TTLL5: variants seen among roughly 807,000 people sequenced by gnomAD.
TTLL5 encodes the protein tubulin polyglutamylase TTLL5.
A neutral mutation model predicts 168.4 loss-of-function variants in TTLL5; 132 were observed. That is an observed-to-expected ratio of 0.78 (90% CI 0.68 to 0.91). TTLL5 has a LOEUF of 0.91. Ranked by LOEUF, TTLL5 falls within the 40% of genes least tolerant of loss-of-function variation. TTLL5 has a pLI of 0.00. For missense variants in TTLL5, 1,545 were observed against 1,581.5 expected (o/e 0.98, Z 0.39); for synonymous variants, 546 against 558.6 (o/e 0.98, Z 0.32).
intron 27 of TTLL5, among the ~76,000 whole-genome samples, chr14:75,807,028 A>G (rs1893696785): frequency 1.3e-5 from 2 of 152,174 alleles, no homozygotes; most frequent in Admixed American, 1.3e-4. Flanking sequence ...TTTGCACTAA[A>G]CTACATGATG....
At chr14:75,795,393 T>C (rs1242635393) in intron 27 of TTLL5, among the ~76,000 whole-genome samples, 1 of 152,214 alleles carries the variant, frequency 6.6e-6, no homozygotes, top group Non-Finnish European at 1.5e-5. Flanking sequence ...TTATTGTGGG[T>C]ACATAGGTGT....
At chr14:75,701,679 A>G (rs188951017) in intron 7 of TTLL5, among the ~76,000 whole-genome samples, 235 of 152,248 alleles carry the variant, frequency 1.5e-3, no homozygotes, top group African/African-American at 5.3e-3. Context: ...ACTCTTCTCT[A>G]TCAGATTTCT....
chr14:75,716,862 T>C (rs1887503106), intron 9 of TTLL5, among the ~76,000 whole-genome samples: 1 of 152,216 alleles, frequency 6.6e-6, no homozygotes, highest in Non-Finnish European at 1.5e-5. Context: ...ATCAAATTGC[T>C]ACCCTGTTTT....
chr14:75,803,858 A>G (rs1326965936), intron 27 of TTLL5, among the ~76,000 whole-genome samples: 2 of 152,216 alleles, frequency 1.3e-5, no homozygotes, highest in East Asian at 3.8e-4. Context: ...AATGTGGTGA[A>G]TTAGCCCAGC....
chr14:75,695,489 C>T (rs1486540569), intron 6 of TTLL5, among the ~76,000 whole-genome samples: 1 of 152,024 alleles, frequency 6.6e-6, no homozygotes, highest in Non-Finnish European at 1.5e-5. Context: ...TCTCTGTGAC[C>T]CACACCCTAT....
intron 18 of TTLL5, among the ~76,000 whole-genome samples, chr14:75,760,745 C>T (rs564590004): frequency 5.3e-5 from 8 of 151,992 alleles, no homozygotes; most frequent in South Asian, 2.1e-4. Context: ...GAACCCCAAC[C>T]GCTGTTTCCC....
intron 31 of TTLL5, 70 bp downstream of exon 31, chr14:75,902,294 C>T (rs2140089304): frequency 1.3e-6 from 2 of 1,488,886 alleles, no homozygotes; most frequent in African/African-American, 2.8e-5. Context: ...CACATTCTCT[C>T]TTCTGCCTCC....
intron 28 of TTLL5, among the ~76,000 whole-genome samples, chr14:75,823,492 A>G (rs1009484156): frequency 6.6e-6 from 1 of 152,182 alleles, no homozygotes; most frequent in African/African-American, 2.4e-5. Flanking sequence ...ACAGCTTGGC[A>G]GGAACCTGAG....
At chr14:75,705,259 T>C (rs1011777453) in intron 7 of TTLL5, among the ~76,000 whole-genome samples, 2 of 152,230 alleles carry the variant, frequency 1.3e-5, no homozygotes, top group African/African-American at 4.8e-5. Flanking sequence ...GTGTTCTGAC[T>C]TTGAGATAGC....
chr14:75,736,437 C>T (rs1461785018), intron 15 of TTLL5, among the ~76,000 whole-genome samples: 1 of 152,102 alleles, frequency 6.6e-6, no homozygotes, highest in Non-Finnish European at 1.5e-5. Flanking sequence ...GCTTAGAGGG[C>T]CTGCAGGCAG....
At chr14:75,815,220 A>C (rs1894322778) in intron 27 of TTLL5, among the ~76,000 whole-genome samples, 1 of 152,204 alleles carries the variant, frequency 6.6e-6, no homozygotes, top group South Asian at 2.1e-4. Context: ...TATTTAATCT[A>C]GAGGGGCAGG....
intron 18 of TTLL5, among the ~76,000 whole-genome samples, chr14:75,763,949 T>G (rs1299681077): frequency 6.6e-6 from 1 of 152,138 alleles, no homozygotes; most frequent in African/African-American, 2.4e-5. Flanking sequence ...CCCTGCCACC[T>G]TGCTCCACCT....
chr14:75,818,679 T>G (rs920105386), intron 27 of TTLL5: 2 of 199,200 alleles, frequency 1.0e-5, no homozygotes, highest in Non-Finnish European at 2.0e-5. Flanking sequence ...TTTTGTATTT[T>G]TAGTAGACAT....
intron 28 of TTLL5, among the ~76,000 whole-genome samples, chr14:75,854,728 G>T (rs986541936): frequency 2.0e-5 from 3 of 152,154 alleles, no homozygotes; most frequent in Non-Finnish European, 2.9e-5. Context: ...GATGTTAGTT[G>T]CATTTCCCTG....
At chr14:75,898,183 A>G (rs2032758501) in intron 30 of TTLL5, among the ~76,000 whole-genome samples, 1 of 152,232 alleles carries the variant, frequency 6.6e-6, no homozygotes, top group South Asian at 2.1e-4. Context: ...ACATTCAGCT[A>G]TTCAGAGAGA....
chr14:75,897,843 GAGATTGT>G (rs1260675133), intron 30 of TTLL5, among the ~76,000 whole-genome samples: 1 of 152,172 alleles, frequency 6.6e-6, no homozygotes, highest in Non-Finnish European at 1.5e-5. Flanking sequence ...TACCAGAGCT[GAGATTGT>G]AGTAAGCTTC....
Position 75,863,935 on chromosome 14 carries a change from G to GAAAAAAAA in TTLL5, c.3522+73_3522+74insAAAAAAAA, listed in dbSNP as rs869278134. On this transcript the variant is annotated intron_variant, in intron 29 of 31. Transcript: ENST00000298832. ...GTAAAAAAAAAAAAAAAAAAAAAAA[G>GAAAAAAAA]GTCAGTGAATGAGAAATGTAGGATT... 0.034 allele frequency: 21,065 copies of GAAAAAAAA among 615,406 alleles called. 707 individuals carry two copies. Among genetic ancestry groups the GAAAAAAAA allele is most frequent in the African/African-American group, 0.2 (5,213 of 25,562 alleles). The allele number at this position is 615,406 out of a possible 1,614,324, so 38.1% of individuals were successfully genotyped here.
chr14:75,841,330 C>A (rs760778281), intron 28 of TTLL5, among the ~76,000 whole-genome samples: 1 of 152,204 alleles, frequency 6.6e-6, no homozygotes, highest in Non-Finnish European at 1.5e-5. Context: ...TTACTCTACA[C>A]CCTTCACACC....
At chr14:75,750,231 G>T (rs548320821) in intron 17 of TTLL5, among the ~76,000 whole-genome samples, 23 of 151,988 alleles carry the variant, frequency 1.5e-4, no homozygotes, top group Admixed American at 1.5e-3. Context: ...GTAAAGACAC[G>T]TTAGGGCATA....
Sources: gnomAD v4.1 joint callset for allele counts (sites outside exome capture counted in the v4.1 genomes callset) on GRCh38, gnomAD v4.1.1 for gene constraint, MANE v1.5 for transcripts, NCBI Gene and HGNC (gene_info 2026-07-23, HGNC 2026-07-21) for gene names.